Variants in CLDN20 observed in about 807,000 individuals in gnomAD.
CLDN20 encodes the protein claudin-20.
For synonymous variants in CLDN20, 104 were observed against 103.6 expected (o/e 1.00, Z -0.03); for missense variants, 258 against 267.9 (o/e 0.96, Z 0.26).
chr6:155,272,677 C>T (rs899599966), intron 1 of CLDN20, among the ~76,000 whole-genome samples: 4 of 152,012 alleles, frequency 2.6e-5, no homozygotes, highest in African/African-American at 9.7e-5. Flanking sequence ...AGAAAGTGAC[C>T]TTCATTTGGA....
intron 1 of CLDN20, among the ~76,000 whole-genome samples, chr6:155,264,682 G>A (rs746004074): frequency 1.3e-5 from 2 of 152,042 alleles, no homozygotes; most frequent in Non-Finnish European, 2.9e-5. Flanking sequence ...ATTTTAAACA[G>A]TCACATAGTG....
chr6:155,267,134 C>T (rs78813843), intron 1 of CLDN20, among the ~76,000 whole-genome samples: 9,558 of 151,808 alleles, frequency 0.063, 379 homozygotes, highest in East Asian at 0.18. Context: ...GGCACCACAC[C>T]CGGCCAATTT....
chr6:155,265,683 A>G (rs1008025751), intron 1 of CLDN20, among the ~76,000 whole-genome samples: 11 of 147,286 alleles, frequency 7.5e-5, no homozygotes, highest in African/African-American at 2.7e-4. Context: ...ATATATATAT[A>G]TGAGTTTATT....
At chr6:155,273,760 G>A (rs1785047252) in intron 1 of CLDN20, among the ~76,000 whole-genome samples, 1 of 152,152 alleles carries the variant, frequency 6.6e-6, no homozygotes, top group African/African-American at 2.4e-5. Flanking sequence ...CTGCAGGTTG[G>A]CTGCTGAAGA....
intron 1 of CLDN20, among the ~76,000 whole-genome samples, chr6:155,270,737 C>T (rs894682144): frequency 6.6e-6 from 1 of 152,174 alleles, no homozygotes; most frequent in Non-Finnish European, 1.5e-5. Context: ...CCTCACAAAG[C>T]TTATGTCTGC....
rs775982881 is a variant in CLDN20, at chr6:155,275,854, A to G, written c.135A>G (p.Val45=). The change falls in exon 2 of 2, where the codon GTA becomes GTG. Residue 45 remains valine, a synonymous_variant. Transcript: ENST00000367165. ...DVDSNIITAI[V]QLHGLWMDCT... ...ACTCCAACATCATAACAGCCATTGTACAGCTGCACGGGCTCTGGATGGACT... is the reference window on the plus strand; with the variant it reads ...ACTCCAACATCATAACAGCCATTGTGCAGCTGCACGGGCTCTGGATGGACT... 6.2e-7 allele frequency: 1 copy of G among 1,614,134 alleles called. No homozygotes were observed. Among genetic ancestry groups the G allele is most frequent in the Admixed American group, 1.7e-5 (1 of 60,022 alleles).
Position 155,275,842 on chromosome 6 carries a change from A to C in CLDN20, c.123A>C (p.Ile41=). Residue 41 remains isoleucine, a synonymous_variant, in exon 2 of 2, where the codon ATA becomes ATC. Transcript: ENST00000367165. The stretch of plus-strand genomic sequence containing the variant: ...ATGTGGATGTGGACTCCAACATCAT[A>C]ACAGCCATTGTACAGCTGCACGGGC... The part of the protein sequence containing the change: ...KVNVDVDSNI[I]TAIVQLHGLW... 6.2e-7 allele frequency: 1 copy of C among 1,614,108 alleles called. No homozygotes were observed. The highest frequency in any genetic ancestry group is 8.5e-7 in the Non-Finnish European group (1 of 1,180,010).
intron 1 of CLDN20, among the ~76,000 whole-genome samples, chr6:155,268,139 A>G (rs183314438): frequency 2.0e-5 from 3 of 152,078 alleles, no homozygotes; most frequent in East Asian, 3.9e-4. Context: ...CAATATCTCT[A>G]CTCATCTAGT....
chr6:155,268,897 A>G (rs9397796), intron 1 of CLDN20, among the ~76,000 whole-genome samples: 17,983 of 147,048 alleles, frequency 0.12, 1,397 homozygotes, highest in Non-Finnish European at 0.18. Flanking sequence ...CTATTGTCCT[A>G]TGACCCTGCC....
chr6:155,268,757 T>A lies in CLDN20; in HGVS notation c.-105+4469T>A, dbSNP rs9371875. Among the ~76,000 whole-genome samples the A allele has an allele frequency of 1.0e-4, 15 of 149,312 alleles. 1 individual carries two copies. The highest frequency in any genetic ancestry group is 3.7e-4 in the African/African-American group (15 of 40,256). Reference sequence around the variant, plus strand: ...AACAGATGCTTGAAGGCAGCATGCTTGCTAAGAGTCATCACCACTCCCTAA... The same window carrying A: ...AACAGATGCTTGAAGGCAGCATGCTAGCTAAGAGTCATCACCACTCCCTAA... On this transcript the variant is annotated intron_variant, in intron 1 of 1. Coordinates refer to ENST00000367165, the MANE Select transcript of CLDN20 (RefSeq NM_001001346.3).
At position 155,264,300 on chromosome 6, in the gene CLDN20, C is replaced by G. The variant is rs1027640495; in HGVS notation, c.-105+12C>G. The G allele has an allele frequency of 1.3e-5, 2 of 152,114 alleles. No individual in the cohort carries two copies. The highest frequency in any genetic ancestry group is 6.5e-5 in the Admixed American group (1 of 15,280). 9.4% of individuals were successfully genotyped at this position (152,114 alleles called of 1,614,324 possible). On this transcript the variant is annotated intron_variant, in intron 1 of 1. Coordinates refer to ENST00000367165, the MANE Select transcript of CLDN20 (RefSeq NM_001001346.3). ...TACAACTTTCCCAGGTAAGGAGAAT[C>G]CCAGGTAGAGGCAGCAAGTCACTGA... is the stretch of plus-strand genomic sequence containing the variant.
At position 155,275,937 on chromosome 6, in the gene CLDN20, T is replaced by G. The variant is rs780493282; in HGVS notation, c.218T>G (p.Leu73Arg). The change falls in exon 2 of 2, where the codon CTC becomes CGC. Residue 73 changes from leucine (L) to arginine (R), a missense_variant. Leu to Arg is a moderately radical substitution (Grantham distance 102). Transcript: ENST00000367165. ...SCALKHSILS[L>R]PIHVQAARAT... ...GCCCTGAAACACTCCATTCTGTCCC[T>G]CCCCATCCACGTGCAGGCTGCGAGA... The G allele has an allele frequency of 3.1e-6, 5 of 1,613,964 alleles. No individual in the cohort carries two copies. The highest frequency in any genetic ancestry group is 4.2e-6 in the Non-Finnish European group (5 of 1,180,028).
chr6:155,265,245 G>A (rs1288062447), intron 1 of CLDN20, among the ~76,000 whole-genome samples: 2 of 152,230 alleles, frequency 1.3e-5, no homozygotes, highest in African/African-American at 2.4e-5. Context: ...GGACCCCAGC[G>A]CTGCAGGTCC....
At chr6:155,272,906 T>C (rs958186666) in intron 1 of CLDN20, among the ~76,000 whole-genome samples, 2 of 152,120 alleles carry the variant, frequency 1.3e-5, no homozygotes, top group African/African-American at 4.8e-5. Context: ...TATCAGTTAA[T>C]GGGAAGAAAA....
chr6:155,271,430 C>T (rs979101450), intron 1 of CLDN20, among the ~76,000 whole-genome samples: 2 of 152,084 alleles, frequency 1.3e-5, no homozygotes, highest in African/African-American at 4.8e-5. Flanking sequence ...CTCCACAAAT[C>T]TAAGTGGAAG....
chr6:155,273,854 T>C (rs1237446608), intron 1 of CLDN20, among the ~76,000 whole-genome samples: 1 of 152,190 alleles, frequency 6.6e-6, no homozygotes, highest in Non-Finnish European at 1.5e-5. Flanking sequence ...TGAGGTTTCT[T>C]TCAGCTCCAA....
chr6:155,267,585 G>A (rs1784717340), intron 1 of CLDN20, among the ~76,000 whole-genome samples: 1 of 152,178 alleles, frequency 6.6e-6, no homozygotes, highest in Non-Finnish European at 1.5e-5. Context: ...CAGTCTTAGA[G>A]TCACAGTAGG....
chr6:155,265,729 A>AATATATATTATATATAATATATAATAT (rs1784602673), intron 1 of CLDN20, among the ~76,000 whole-genome samples: 2 of 145,416 alleles, frequency 1.4e-5, no homozygotes, highest in African/African-American at 5.1e-5. Flanking sequence ...ATATAATATA[A>AATATATATTATATATAATATATAATAT]ATATATATTA....
At chr6:155,271,304 T>G (rs118160857) in intron 1 of CLDN20, among the ~76,000 whole-genome samples, 2 of 152,340 alleles carry the variant, frequency 1.3e-5, no homozygotes, top group African/African-American at 2.4e-5. Flanking sequence ...GAAATCCATC[T>G]GTACCATTAT....
Sources: gnomAD v4.1 joint callset for allele counts (sites outside exome capture counted in the v4.1 genomes callset) on GRCh38, gnomAD v4.1.1 for gene constraint, MANE v1.5 for transcripts, NCBI Gene and HGNC (gene_info 2026-07-23, HGNC 2026-07-21) for gene names.